RIMS2: variants seen among roughly 807,000 people sequenced by gnomAD.
The protein encoded by RIMS2 is regulating synaptic membrane exocytosis 2.
A neutral mutation model predicts 174.4 loss-of-function variants in RIMS2; 59 were observed. The observed-to-expected ratio is 0.34, with a 90% confidence interval of 0.27 to 0.42. The LOEUF (loss-of-function observed/expected upper bound fraction) is 0.42, where lower values mean the gene tolerates loss of function less well. Among genes scored for constraint, RIMS2 ranks in the 10% least tolerant of loss-of-function variants. RIMS2 has a pLI of 1.00. For synonymous variants in RIMS2, 606 were observed against 572.5 expected, an observed-to-expected ratio of 1.06 and a Z score of -0.84; for missense variants, 1,620 against 1,666.3, an observed-to-expected ratio of 0.97 and a Z score of 0.48.
At chr8:103,893,069 A>G (rs1197439139) in intron 4 of RIMS2, among the ~76,000 whole-genome samples, 1 of 152,106 alleles carries the variant, frequency 6.6e-6, no homozygotes, top group Non-Finnish European at 1.5e-5. Context: ...GCATTGAAAT[A>G]GCAGATAAGT....
At chr8:103,822,822 T>C (rs914639016) in intron 3 of RIMS2, among the ~76,000 whole-genome samples, 3 of 151,986 alleles carry the variant, frequency 2.0e-5, no homozygotes, top group African/African-American at 7.2e-5. Flanking sequence ...TCAAGTGAAA[T>C]TATTTAATCA....
intron 18 of RIMS2, 117 bp downstream of exon 20, chr8:104,013,738 A>ATTGT: frequency 1.4e-6 from 1 of 734,814 alleles, no homozygotes; most frequent in Non-Finnish European, 2.3e-6. Flanking sequence ...GTAACAATCG[A>ATTGT]TACTAACCTT....
intron 3 of RIMS2, among the ~76,000 whole-genome samples, chr8:103,774,172 C>T (rs75487898): frequency 0.12 from 18,900 of 152,086 alleles, 1,278 homozygotes; most frequent in Middle Eastern, 0.22. Flanking sequence ...TTAAAATGAT[C>T]TAAACATTAG....
rs55909886 is a variant in RIMS2, at chr8:103,933,288, G to GACACACACACACAC, written c.2375+1929_2375+1942dup. ...AGCCTGGGCAACAGATCGAGACTCT[G>GACACACACACACAC]ACACACACACACACACACACACACA... On this transcript the variant is annotated intron_variant, in intron 12 of 23. Transcript: ENST00000504942. 3.5e-3 allele frequency among the ~76,000 whole-genome samples: 419 copies of GACACACACACACAC among 119,726 alleles called. 4 individuals carry two copies. Among genetic ancestry groups the GACACACACACACAC allele is most frequent in the African/African-American group, 8.5e-3 (241 of 28,292 alleles). 78.5% of individuals were successfully genotyped at this position (119,726 alleles called of 152,430 possible).
chr8:103,816,964 T>C (rs2098721807), intron 3 of RIMS2, among the ~76,000 whole-genome samples: 1 of 152,230 alleles, frequency 6.6e-6, no homozygotes, highest in Non-Finnish European at 1.5e-5. Flanking sequence ...TAGACTTGTT[T>C]CTAAAGGGGT....
chr8:103,587,439 AGAAAGAAAGAAAGAAAGAAAGAAAGAAAG>A (rs1228259329), intron 1 of RIMS2, among the ~76,000 whole-genome samples: 1 of 124,006 alleles, frequency 8.1e-6, no homozygotes, highest in African/African-American at 3.0e-5. Context: ...AAAGAAAGAA[AGAAAGAAAGAAAGAAAGAAAGAAAGAAAG>A]AAACTATGCA....
chr8:103,999,606 G>C (rs1435328902), intron 17 of RIMS2, among the ~76,000 whole-genome samples: 1 of 151,658 alleles, frequency 6.6e-6, no homozygotes, highest in Non-Finnish European at 1.5e-5. Flanking sequence ...AAAGGTGGGT[G>C]ACATACATGA....
intron 3 of RIMS2, among the ~76,000 whole-genome samples, chr8:103,848,368 G>T (rs1324890785): frequency 6.6e-6 from 1 of 152,012 alleles, no homozygotes; most frequent in African/African-American, 2.4e-5. Context: ...AACTTCAGAG[G>T]CAGCACTGAT....
intron 9 of RIMS2, chr8:103,920,810 A>T (rs1180844248): frequency 2.7e-6 from 1 of 371,360 alleles, no homozygotes; most frequent in African/African-American, 2.3e-5. Flanking sequence ...TAACACGGTG[A>T]AACCCCGTCT....
intron 11 of RIMS2, among the ~76,000 whole-genome samples, chr8:103,930,347 G>A (rs1304191516): frequency 3.9e-5 from 6 of 151,922 alleles, no homozygotes; most frequent in African/African-American, 9.7e-5. Context: ...AACCAGTAGT[G>A]GTTTTTAACT....
chr8:103,645,970 C>T (rs770192140), intron 1 of RIMS2, among the ~76,000 whole-genome samples: 16 of 151,852 alleles, frequency 1.1e-4, no homozygotes, highest in Non-Finnish European at 1.5e-4. Flanking sequence ...AAGGGAGATA[C>T]GGGTGGGGCT....
chr8:103,751,517 A>G (rs6997372), intron 2 of RIMS2, among the ~76,000 whole-genome samples: 34,918 of 151,244 alleles, frequency 0.23, 4,537 homozygotes, highest in Non-Finnish European at 0.25. Context: ...CTGAGGAATC[A>G]CCACACTGAC....
At chr8:103,770,734 T>TG (rs1348383054) in intron 3 of RIMS2, among the ~76,000 whole-genome samples, 1 of 152,088 alleles carries the variant, frequency 6.6e-6, no homozygotes, top group Non-Finnish European at 1.5e-5. Context: ...CTATTTTTTT[T>TG]TTGTTCCTTC....
chr8:103,840,692 A>T (rs554438477), intron 3 of RIMS2, among the ~76,000 whole-genome samples: 137 of 152,102 alleles, frequency 9.0e-4, no homozygotes, highest in African/African-American at 3.2e-3. Flanking sequence ...TACTATATAT[A>T]TCCTATATAC....
chr8:103,500,771 A>T, exon 1 of RIMS2: 1 of 586,042 alleles, frequency 1.7e-6, no homozygotes, highest in Non-Finnish European at 3.0e-6. Flanking sequence ...ATTGAAGGCC[A>T]TTGATTTGTA....
At chr8:103,544,143 A>G (rs1018252117) in intron 1 of RIMS2, among the ~76,000 whole-genome samples, 2 of 152,002 alleles carry the variant, frequency 1.3e-5, no homozygotes, top group African/African-American at 4.8e-5. Context: ...CAGGCAGGCA[A>G]TCTCTACTAG....
chr8:104,102,439 A>C (rs1366128610), intron 19 of RIMS2, among the ~76,000 whole-genome samples: 1 of 152,324 alleles, frequency 6.6e-6, no homozygotes, highest in African/African-American at 2.4e-5. Context: ...TTATTTCTCC[A>C]TAACCCCATT....
chr8:103,681,322 A>G (rs1025671246), intron 1 of RIMS2, among the ~76,000 whole-genome samples: 15 of 152,086 alleles, frequency 9.9e-5, no homozygotes, highest in African/African-American at 3.6e-4. Flanking sequence ...AGATTTTAAT[A>G]TAAAAATGTA....
At chr8:103,680,334 A>C (rs1180008364) in intron 1 of RIMS2, among the ~76,000 whole-genome samples, 1 of 152,056 alleles carries the variant, frequency 6.6e-6, no homozygotes, top group Non-Finnish European at 1.5e-5. Context: ...TATATGGAGA[A>C]GATTGACATT....
Sources: allele counts gnomAD v4.1 joint callset (sites outside exome capture counted in the v4.1 genomes callset), GRCh38; gene constraint gnomAD v4.1.1; transcripts MANE v1.5; gene names NCBI Gene and HGNC (gene_info 2026-07-23, HGNC 2026-07-21).